The following GPM6A variants were observed in gnomAD, a reference collection of about 807,000 sequenced individuals.
The protein encoded by GPM6A is glycoprotein M6A.
GPM6A carries 7 observed loss-of-function variants against 32.1 expected under a neutral mutation model. The ratio of observed to expected loss-of-function variants is 0.22; its 90% CI spans 0.12 to 0.41. The LOEUF (loss-of-function observed/expected upper bound fraction) is 0.41, where lower values mean the gene tolerates loss of function less well. Among genes scored for constraint, GPM6A ranks in the 10% least tolerant of loss-of-function variants. The pLI is 1.00. For missense variants in GPM6A, 235 were observed against 347.2 expected (o/e 0.68, Z 2.57); for synonymous variants, 130 against 123.4 (o/e 1.05, Z -0.35).
At chr4:175,691,643 G>A (rs903552076) in intron 2 of GPM6A, among the ~76,000 whole-genome samples, 4 of 152,006 alleles carry the variant, frequency 2.6e-5, no homozygotes, top group African/African-American at 7.2e-5. Flanking sequence ...TATCATGATC[G>A]ATTTTACCAA....
intron 1 of GPM6A, among the ~76,000 whole-genome samples, chr4:175,709,314 T>C (rs942407941): frequency 6.6e-6 from 1 of 151,658 alleles, no homozygotes; most frequent in East Asian, 1.9e-4. Flanking sequence ...TCTCTCTCTC[T>C]CTACGTGGGC....
At chr4:175,803,729 G>A (rs17062071) in intron 1 of GPM6A, among the ~76,000 whole-genome samples, 73,212 of 151,792 alleles carry the variant, frequency 0.48, 18,028 homozygotes, top group Non-Finnish European at 0.53. Context: ...CTTTAACACA[G>A]GTCATCTGAT....
Position 175,751,406 on chromosome 4 carries a change from G to A in GPM6A, c.38-49639C>T, listed in dbSNP as rs113266368. On this transcript the variant is annotated intron_variant, in intron 1 of 6. Coordinates refer to ENST00000393658, the MANE Select transcript of GPM6A (RefSeq NM_201591.3). ...ACTTATTTTCCCAAGGATACTGTAG[G>A]AAAAATATTCTTTTGTTTATTTTTT... Among the ~76,000 whole-genome samples, 250 of 152,170 alleles carry A rather than the reference G, an allele frequency of 1.6e-3. 1 individual carries two copies. Among genetic ancestry groups the A allele is most frequent in the African/African-American group, 5.5e-3 (229 of 41,508 alleles).
chr4:175,841,191 G>T (rs951446319), intron 1 of GPM6A, among the ~76,000 whole-genome samples: 4 of 152,176 alleles, frequency 2.6e-5, no homozygotes, highest in Admixed American at 2.6e-4. Context: ...TAAGTTACAT[G>T]ATTCTGTTCA....
Position 175,957,942 on chromosome 4 carries a change from G to A in GPM6A, c.-23+44367C>T, listed in dbSNP as rs754358807. Among the ~76,000 whole-genome samples the A allele has an allele frequency of 4.6e-5, 7 of 152,096 alleles. 1 individual carries two copies. Among genetic ancestry groups the A allele is most frequent in the Non-Finnish European group, 1.0e-4 (7 of 68,022 alleles). ...GAGTCTCACTGCAACACCCAGGCTG[G>A]AGTGCAATGGTGCAATCCTGGCTCA... On this transcript the variant is annotated intron_variant, in intron 1 of 7. Transcript: ENST00000280187.
intron 1 of GPM6A, among the ~76,000 whole-genome samples, chr4:175,740,639 A>C (rs757328690): frequency 6.6e-6 from 1 of 152,108 alleles, no homozygotes; most frequent in Non-Finnish European, 1.5e-5. Context: ...CTTCATGTAT[A>C]TACATTCATC....
At chr4:175,901,628 C>CTTTTTTTTTTTTTTTTTTTTTTTTTTTTT (rs59461626) in intron 1 of GPM6A, among the ~76,000 whole-genome samples, 1 of 127,032 alleles carries the variant, frequency 7.9e-6, no homozygotes, top group Non-Finnish European at 1.6e-5. Flanking sequence ...TTTTCTTTTT[C>CTTTTTTTTTTTTTTTTTTTTTTTTTTTTT]TTTTTTTTTT....
intron 1 of GPM6A, among the ~76,000 whole-genome samples, chr4:175,841,613 A>T (rs1735938434): frequency 6.6e-6 from 1 of 152,184 alleles, no homozygotes; most frequent in Non-Finnish European, 1.5e-5. Flanking sequence ...GGGCCAGCAC[A>T]CTTCTGCAAT....
chr4:175,862,926 C>A (rs1451012515), intron 1 of GPM6A, among the ~76,000 whole-genome samples: 1 of 152,036 alleles, frequency 6.6e-6, no homozygotes, highest in Non-Finnish European at 1.5e-5. Flanking sequence ...CAATTATACC[C>A]GCACCATGAA....
chr4:175,675,149 C>T (rs775222512), intron 2 of GPM6A, among the ~76,000 whole-genome samples: 4 of 151,598 alleles, frequency 2.6e-5, no homozygotes, highest in Admixed American at 6.6e-5. Flanking sequence ...TACATATGCT[C>T]CAAATAATAT....
intron 1 of GPM6A, chr4:175,806,967 C>T (rs1291441706): frequency 6.6e-6 from 1 of 152,198 alleles, no homozygotes; most frequent in Non-Finnish European, 1.5e-5. Context: ...GTTCCCTTTT[C>T]ATAGGTCTGT....
chr4:175,779,922 G>T (rs1262100719), intron 1 of GPM6A, among the ~76,000 whole-genome samples: 1 of 151,748 alleles, frequency 6.6e-6, no homozygotes, highest in Non-Finnish European at 1.5e-5. Flanking sequence ...TAATACACAT[G>T]TATTCATTTT....
chr4:175,761,938 G>T (rs1732762038), intron 1 of GPM6A, among the ~76,000 whole-genome samples: 1 of 151,982 alleles, frequency 6.6e-6, no homozygotes. Context: ...ACGATTACAG[G>T]CATGCACCAC....
chr4:175,971,832 C>T (rs1316887798), intron 1 of GPM6A: 2 of 152,142 alleles, frequency 1.3e-5, no homozygotes, highest in Admixed American at 6.5e-5. Context: ...TAATTTCTAG[C>T]TGTTTGGTTT....
At position 175,633,632 on chromosome 4, in the gene GPM6A, A is replaced by T. The variant is rs1370282145; in HGVS notation, c.*1273T>A. The T allele has an allele frequency of 6.6e-6, 1 of 152,414 alleles. No homozygotes were observed. Among genetic ancestry groups the T allele is most frequent in the African/African-American group, 2.4e-5 (1 of 41,408 alleles). The allele number at this position is 152,414 out of a possible 1,614,324, so 9.4% of individuals were successfully genotyped here. A position where few individuals can be genotyped will look rare whatever the true frequency, so the allele number is the denominator to read the frequency against. On this transcript the variant is annotated 3_prime_UTR_variant, in exon 7 of 7. Transcript: ENST00000393658. ...AGAAATAATGAAAAGAAGAGCGTCA[A>T]GGTGAAAACAAACACCAAATTTGGT... is the stretch of plus-strand genomic sequence containing the variant.
At chr4:175,874,226 T>C (rs1737008560) in intron 1 of GPM6A, among the ~76,000 whole-genome samples, 1 of 152,036 alleles carries the variant, frequency 6.6e-6, no homozygotes, top group Non-Finnish European at 1.5e-5. Context: ...TAATGACAAA[T>C]CTAAGGATGC....
At position 175,944,327 on chromosome 4, in the gene GPM6A, C is replaced by T. The variant is rs550743308; in HGVS notation, c.-23+57982G>A. On this transcript the variant is annotated intron_variant, in intron 1 of 7. Coordinates refer to the GPM6A transcript ENST00000280187. Reference sequence around the variant, plus strand: ...TGTAATTAGAAATTGTTCTGTGCATCATGATTAAACCAGTAACTATGGTAA... The same window carrying T: ...TGTAATTAGAAATTGTTCTGTGCATTATGATTAAACCAGTAACTATGGTAA... 1.2e-4 allele frequency among the ~76,000 whole-genome samples: 19 copies of T among 152,104 alleles called. 1 individual carries two copies. Among genetic ancestry groups the T allele is most frequent in the Admixed American group, 7.9e-4 (12 of 15,272 alleles).
chr4:175,656,513 G>A (rs960577867), intron 3 of GPM6A, among the ~76,000 whole-genome samples: 32 of 152,054 alleles, frequency 2.1e-4, no homozygotes, highest in Admixed American at 9.8e-4. Flanking sequence ...TTGTTTTGAT[G>A]TCAATCTGGA....
chr4:175,826,304 T>TCC (rs1735436348), intron 1 of GPM6A, among the ~76,000 whole-genome samples: 3 of 150,376 alleles, frequency 2.0e-5, no homozygotes, highest in East Asian at 2.0e-4. Flanking sequence ...TCTCTCTCTC[T>TCC]CCCCCTCCTC....
Sources: allele counts gnomAD v4.1 joint callset (sites outside exome capture counted in the v4.1 genomes callset), GRCh38; gene constraint gnomAD v4.1.1; transcripts MANE v1.5; gene names NCBI Gene and HGNC (gene_info 2026-07-23, HGNC 2026-07-21).